The following ZBTB7C variants were observed in gnomAD, a reference collection of about 807,000 sequenced individuals.
The protein encoded by ZBTB7C is zinc finger and BTB domain containing 7C.
ZBTB7C carries 8 observed loss-of-function variants against 25.7 expected under a neutral mutation model. The ratio of observed to expected loss-of-function variants is 0.31; its 90% confidence interval spans 0.18 to 0.56. The LOEUF is 0.56. Among genes scored for constraint, ZBTB7C ranks in the 20% least tolerant of loss-of-function variants. The probability of loss-of-function intolerance (pLI) is 0.91; values close to 1 mark genes in which losing one functional copy is unlikely to be tolerated. For missense variants in ZBTB7C, 824 were observed against 855.2 expected (o/e 0.96, Z 0.46); for synonymous variants, 394 against 369.0 (o/e 1.07, Z -0.78).
chr18:48,238,176 T>C (rs900081827), intron 2 of ZBTB7C, among the ~76,000 whole-genome samples: 1 of 152,172 alleles, frequency 6.6e-6, no homozygotes, highest in African/African-American at 2.4e-5. Flanking sequence ...TTTCTTAAAG[T>C]GGGTGGCTTT....
chr18:48,214,930 A>G lies in ZBTB7C; in HGVS notation c.-78-28935T>C, dbSNP rs1053133128. ...GGATCTGTTTGAGTCTCTGCTTTCA[A>G]TTCCTTCGGGTTTATATCTAGAAGT... On this transcript the variant is annotated intron_variant, in intron 2 of 4. Transcript: ENST00000590800. 2.6e-5 allele frequency among the ~76,000 whole-genome samples: 4 copies of G among 152,206 alleles called. No homozygotes were observed. The East Asian group carries it at 7.7e-4, about 29-fold the overall frequency.
At chr18:48,088,877 T>C (rs2038297275) in intron 3 of ZBTB7C, among the ~76,000 whole-genome samples, 1 of 152,006 alleles carries the variant, frequency 6.6e-6, no homozygotes, top group African/African-American at 2.4e-5. Context: ...GGTGTGGACT[T>C]GGCAGTGGGC....
intron 2 of ZBTB7C, among the ~76,000 whole-genome samples, chr18:48,239,472 C>T (rs1027264868): frequency 6.6e-6 from 1 of 152,190 alleles, no homozygotes; most frequent in Non-Finnish European, 1.5e-5. Context: ...CCACTTCACT[C>T]CCCTGCTACC....
intron 1 of ZBTB7C, among the ~76,000 whole-genome samples, chr18:48,377,825 A>G (rs529960027): frequency 6.6e-6 from 1 of 152,324 alleles, no homozygotes; most frequent in African/African-American, 2.4e-5. Context: ...CAGCTCAGAA[A>G]TTGGTGGTAC....
chr18:48,152,500 G>A (rs577324579), intron 3 of ZBTB7C, among the ~76,000 whole-genome samples: 1 of 152,312 alleles, frequency 6.6e-6, no homozygotes, highest in African/African-American at 2.4e-5. Context: ...ATTGATACAT[G>A]AATAGAACAA....
At chr18:48,201,976 CT>C (rs2042460485) in intron 2 of ZBTB7C, among the ~76,000 whole-genome samples, 1 of 152,236 alleles carries the variant, frequency 6.6e-6, no homozygotes. Context: ...TGTCTTCTTC[CT>C]TTATGATTTG....
At chr18:48,201,589 AG>A (rs1478922577) in intron 2 of ZBTB7C, among the ~76,000 whole-genome samples, 1 of 151,808 alleles carries the variant, frequency 6.6e-6, no homozygotes, top group East Asian at 1.9e-4. Context: ...CCTACACTCC[AG>A]GTGTCCTGCC....
intron 2 of ZBTB7C, among the ~76,000 whole-genome samples, chr18:48,257,089 C>T (rs1159722739): frequency 1.3e-5 from 2 of 151,548 alleles, no homozygotes; most frequent in Non-Finnish European, 3.0e-5. Context: ...TAAAGGAAGA[C>T]CCAACTATAA....
At chr18:48,338,690 AC>A (rs1315655376) in intron 1 of ZBTB7C, among the ~76,000 whole-genome samples, 1 of 151,996 alleles carries the variant, frequency 6.6e-6, no homozygotes, top group Non-Finnish European at 1.5e-5. Context: ...TGAAAGACTC[AC>A]CTTCTAATCC....
At chr18:48,077,469 A>T (rs978608196) in intron 3 of ZBTB7C, among the ~76,000 whole-genome samples, 2 of 152,194 alleles carry the variant, frequency 1.3e-5, no homozygotes, top group African/African-American at 4.8e-5. Context: ...CCAGGGAGTG[A>T]GGAAGGGCGT....
chr18:48,116,321 A>C (rs544122316), intron 3 of ZBTB7C, among the ~76,000 whole-genome samples: 25 of 152,270 alleles, frequency 1.6e-4, no homozygotes, highest in Non-Finnish European at 3.1e-4. Context: ...TCCAGTCACT[A>C]ATACAGTCCC....
intron 3 of ZBTB7C, among the ~76,000 whole-genome samples, chr18:48,073,148 C>T (rs574967795): frequency 3.3e-5 from 5 of 152,160 alleles, no homozygotes; most frequent in African/African-American, 9.7e-5. Flanking sequence ...GGCAGCTGCA[C>T]GTCGCAATTA....
chr18:48,135,174 G>A (rs1022153618), intron 3 of ZBTB7C, among the ~76,000 whole-genome samples: 16 of 152,020 alleles, frequency 1.1e-4, no homozygotes, highest in Non-Finnish European at 2.2e-4. Context: ...CAGAGATCTC[G>A]TCTGATTTCA....
At chr18:48,068,659 G>A (rs1053599536) in intron 3 of ZBTB7C, among the ~76,000 whole-genome samples, 45 of 152,132 alleles carry the variant, frequency 3.0e-4, no homozygotes, top group African/African-American at 1.1e-3. Flanking sequence ...GAGGAAACAA[G>A]TCACTTTGGA....
At chr18:48,033,391 A>T (rs1333689630) in intron 4 of ZBTB7C, among the ~76,000 whole-genome samples, 2 of 152,220 alleles carry the variant, frequency 1.3e-5, no homozygotes, top group African/African-American at 4.8e-5. Context: ...CTGAGGCCTA[A>T]GAGGACTGCT....
chr18:48,222,059 T>G (rs1175342275), intron 2 of ZBTB7C, among the ~76,000 whole-genome samples: 1 of 145,636 alleles, frequency 6.9e-6, no homozygotes, highest in Non-Finnish European at 1.6e-5. Context: ...CCTTCTATAC[T>G]GTTCCTAGAC....
At chr18:48,078,416 T>A (rs1320128159) in intron 3 of ZBTB7C, among the ~76,000 whole-genome samples, 1 of 152,174 alleles carries the variant, frequency 6.6e-6, no homozygotes, top group East Asian at 1.9e-4. Context: ...CTGGGGGGCA[T>A]ACCTTCAGGA....
chr18:48,312,332 G>T (rs2045840318), intron 2 of ZBTB7C, among the ~76,000 whole-genome samples: 1 of 152,190 alleles, frequency 6.6e-6, no homozygotes, highest in Non-Finnish European at 1.5e-5. Flanking sequence ...CAGAAGGCTT[G>T]TCAAGCTCCC....
At chr18:48,371,584 G>A (rs1048957900) in intron 1 of ZBTB7C, among the ~76,000 whole-genome samples, 1 of 152,238 alleles carries the variant, frequency 6.6e-6, no homozygotes, top group Non-Finnish European at 1.5e-5. Context: ...TAACCAGGAA[G>A]AGAGTGGGAG....
Sources: allele counts gnomAD v4.1 joint callset (sites outside exome capture counted in the v4.1 genomes callset), GRCh38; gene constraint gnomAD v4.1.1; transcripts MANE v1.5; gene names NCBI Gene and HGNC (gene_info 2026-07-23, HGNC 2026-07-21).